The following ODF2 variants were observed in gnomAD, a reference collection of about 807,000 sequenced individuals.
The protein encoded by ODF2 is outer dense fiber protein 2.
Under a neutral mutation model 110.2 loss-of-function variants are expected in ODF2, and 47 were observed. That is an observed-to-expected ratio of 0.43 (90% CI 0.34 to 0.54). ODF2 has a LOEUF of 0.54. Ranked by LOEUF, ODF2 falls within the 20% of genes least tolerant of loss-of-function variation. The pLI, the probability that ODF2 is intolerant of heterozygous loss-of-function variation, is 0.03. For missense variants in ODF2, 812 were observed against 1,054.5 expected (o/e 0.77, Z 3.19); for synonymous variants, 352 against 397.7 (o/e 0.89, Z 1.37).
intron 8 of ODF2, among the ~76,000 whole-genome samples, chr9:128,481,376 C>T (rs1674864417): frequency 6.6e-6 from 1 of 151,500 alleles, no homozygotes; most frequent in African/African-American, 2.4e-5. Flanking sequence ...ACTTTGGAGG[C>T]TGAGATGGGA....
In ODF2 at chr9:128,470,044, T is replaced by TATATATATATATAA. The variant is rs1564476177; in HGVS notation, c.420+694_420+695insTATATATATAAATA. 2.5e-4 allele frequency among the ~76,000 whole-genome samples: 16 copies of TATATATATATATAA among 64,802 alleles called. 1 individual carries two copies. Among genetic ancestry groups the TATATATATATATAA allele is most frequent in the African/African-American group, 8.9e-4 (16 of 17,970 alleles). 42.5% of individuals were successfully genotyped at this position (64,802 alleles called of 152,430 possible). A position where few individuals can be genotyped will look rare whatever the true frequency, so the allele number is the denominator to read the frequency against. Reference sequence around the variant, plus strand: ...ATATATATATATATATATATATATATATAAATAAAAAAATTAACAAAAACA... The same window carrying TATATATATATATAA: ...ATATATATATATATATATATATATATATATATATATATAAATAAATAAAAAAATTAACAAAAACA... On this transcript the variant is annotated intron_variant, in intron 5 of 20. Transcript: ENST00000604420.
chr9:128,477,649 A>C (rs1841582453), intron 8 of ODF2, among the ~76,000 whole-genome samples: 1 of 150,064 alleles, frequency 6.7e-6, no homozygotes, highest in Non-Finnish European at 1.5e-5. Flanking sequence ...TCTGTCACCG[A>C]GGCTGGAGTG....
chr9:128,461,143 G>GCTATA, intron 4 of ODF2, 76 bp downstream of exon 4: 3 of 1,548,728 alleles, frequency 1.9e-6, no homozygotes, highest in Non-Finnish European at 2.6e-6. Context: ...GTATGATTCA[G>GCTATA]GGTCAGCTAT....
chr9:128,483,860 T>C, intron 10 of ODF2, 78 bp from the exon 11 acceptor site: 1 of 1,008,398 alleles, frequency 9.9e-7, no homozygotes, highest in Non-Finnish European at 1.6e-6. Context: ...CACTCCAGCC[T>C]GGGAAACGGA....
In ODF2 at chr9:128,485,518, C is replaced by CT. The variant is rs1292822144; in HGVS notation, c.1400+46dup. 4.5e-6 allele frequency: 5 copies of CT among 1,122,920 alleles called. No individual in the cohort carries two copies. The highest frequency in any genetic ancestry group is 6.7e-6 in the Non-Finnish European group (5 of 743,982). The allele number at this position is 1,122,920 out of a possible 1,614,324, so 69.6% of individuals were successfully genotyped here. A position where few individuals can be genotyped will look rare whatever the true frequency, so the allele number is the denominator to read the frequency against. ...GAGGGAATGTGGCGCTGTTGAGGGA[C>CT]TTGGGTGTGCAGGTGGGAGGGGCCT... On this transcript the variant is annotated intron_variant, in intron 13 of 20. Coordinates refer to ENST00000604420, the Ensembl canonical transcript of ODF2. The surrounding 1 kb of genome is among the most constrained non-coding windows in gnomAD (Gnocchi z 5.0).
chr9:128,469,425 C>T, intron 5 of ODF2, 72 bp downstream of exon 5: 1 of 1,518,574 alleles, frequency 6.6e-7, no homozygotes, highest in Non-Finnish European at 9.1e-7. Flanking sequence ...GATTTCCTGC[C>T]TGGTCCCTCA....
Position 128,494,999 on chromosome 9 carries a change from C to T in ODF2, c.1911+331C>T, listed in dbSNP as rs997119283. The stretch of plus-strand genomic sequence containing the variant: ...CACAGCTGGGAGATGCCAGCAGACA[C>T]CGAGCCGTAGAATTTCTTTTTTTCT... On this transcript the variant is annotated intron_variant, in intron 17 of 20. Coordinates refer to ENST00000604420, the Ensembl canonical transcript of ODF2. This position sits in a 1 kb window ranked among gnomAD's most constrained non-coding sequence, Gnocchi z 4.6. Among the ~76,000 whole-genome samples the T allele has an allele frequency of 6.6e-6, 1 of 152,218 alleles. No homozygotes were observed. Among genetic ancestry groups the T allele is most frequent in the Non-Finnish European group, 1.5e-5 (1 of 68,044 alleles).
At position 128,494,924 on chromosome 9, in the gene ODF2, A is replaced by G; in HGVS notation, c.1911+256A>G. On this transcript the variant is annotated intron_variant, in intron 17 of 20. Transcript: ENST00000604420. This position sits in a 1 kb window ranked among gnomAD's most constrained non-coding sequence, Gnocchi z 4.6. ...GCCCTCCTGCTGTTGCCCCCACCCA[A>G]GACTGCTGCCTCTGCCTGTGTGCTC... The G allele has an allele frequency of 8.7e-7, 1 of 1,154,768 alleles. No homozygotes were observed. 71.5% of individuals were successfully genotyped at this position (1,154,768 alleles called of 1,614,324 possible).
At chr9:128,461,639 G>A (rs1488756378) in intron 4 of ODF2, among the ~76,000 whole-genome samples, 4 of 152,106 alleles carry the variant, frequency 2.6e-5, no homozygotes, top group East Asian at 3.8e-4. Flanking sequence ...GGCTGGTCTC[G>A]AACTCCTGAC....
intron 1 of ODF2, 109 bp downstream of exon 1, chr9:128,456,364 G>C (rs1324036995): frequency 1.4e-6 from 2 of 1,432,280 alleles, no homozygotes; most frequent in Non-Finnish European, 1.8e-6. Flanking sequence ...TCGGGTCCTG[G>C]GTTCCCCGCC....
Position 128,492,419 on chromosome 9 carries a change from C to T in ODF2, c.1537-7C>T, listed in dbSNP as rs755733612. On this transcript the variant is annotated splice_polypyrimidine_tract_variant and splice_region_variant and intron_variant, in intron 14 of 20. Transcript: ENST00000604420. ...CCTGTGGGTTACTCATGAGCCATCC[C>T]TTCCAGGCCAGCTTTGCTCCAATGG... The T allele has an allele frequency of 1.2e-6, 2 of 1,608,366 alleles. No homozygotes were observed. Among genetic ancestry groups the T allele is most frequent in the Non-Finnish European group, 1.7e-6 (2 of 1,175,076 alleles).
chr9:128,457,372 C>T (rs139108213), exon 2 of ODF2: 9 of 1,612,732 alleles, frequency 5.6e-6, no homozygotes, highest in Non-Finnish European at 7.6e-6. Context: ...CCTGCTGACC[C>T]AATTGCCCAC....
At chr9:128,460,429 G>C in intron 3 of ODF2, 121 bp from the exon 3 acceptor site, 2 of 1,504,718 alleles carry the variant, frequency 1.3e-6, no homozygotes, top group Non-Finnish European at 1.8e-6. Context: ...GTTGGTAGCT[G>C]TCCTGCTCGC....
chr9:128,497,361 G>A (rs1206153451), intron 18 of ODF2: 1 of 141,076 alleles, frequency 7.1e-6, no homozygotes, highest in Non-Finnish European at 1.5e-5. Flanking sequence ...GCCGAGGCGG[G>A]CGGATCACGA....
chr9:128,456,264 C>G lies in ODF2; in HGVS notation c.-209+9C>G, dbSNP rs1243485446. Reference sequence around the variant, plus strand: ...CAGCCGTGTCGCTCCTGGTGAGAGGCCGCCGGCAGGCGGGATCCAGCGCCC... The same window carrying G: ...CAGCCGTGTCGCTCCTGGTGAGAGGGCGCCGGCAGGCGGGATCCAGCGCCC... On this transcript the variant is annotated intron_variant, in intron 1 of 20. Coordinates refer to ENST00000604420, the Ensembl canonical transcript of ODF2. 3.9e-6 allele frequency: 6 copies of G among 1,531,640 alleles called. No individual in the cohort carries two copies. Among genetic ancestry groups the G allele is most frequent in the Non-Finnish European group, 5.3e-6 (6 of 1,141,074 alleles). The allele number at this position is 1,531,640 out of a possible 1,614,324, so 94.9% of individuals were successfully genotyped here.
At chr9:128,461,864 A>G (rs900739098) in intron 4 of ODF2, among the ~76,000 whole-genome samples, 6 of 152,210 alleles carry the variant, frequency 3.9e-5, no homozygotes, top group African/African-American at 1.4e-4. Flanking sequence ...TTGATTTACC[A>G]GACAAAGGAG....
chr9:128,496,969 C>G lies in ODF2; in HGVS notation c.2012+828C>G, dbSNP rs557219523. ...TCCTGAACTCCTGGGTTCAAGTGAT[C>G]CACCCACCTAGGCCTCCTAGAGTGC... On this transcript the variant is annotated intron_variant, in intron 18 of 20. Coordinates refer to ENST00000604420, the Ensembl canonical transcript of ODF2. Among the ~76,000 whole-genome samples, 19 of 152,130 alleles carry G rather than the reference C, an allele frequency of 1.2e-4. 1 individual carries two copies. In the South Asian group the frequency reaches 3.3e-3, roughly 27 times the overall value.
In ODF2 at chr9:128,460,283, G is replaced by A. The variant is rs561587486; in HGVS notation, c.123+626G>A. ...TAAGAACCCTGGGGCCGGCGTCTGG[G>A]ATCTGTTCTGGAACGGGTGGGTCTT... On this transcript the variant is annotated intron_variant, in intron 3 of 20. Coordinates refer to ENST00000604420, the Ensembl canonical transcript of ODF2. 2.2e-6 allele frequency: 3 copies of A among 1,377,722 alleles called. No individual in the cohort carries two copies. The South Asian group carries it at 3.7e-5, about 17-fold the overall frequency. The allele number at this position is 1,377,722 out of a possible 1,614,324, so 85.3% of individuals were successfully genotyped here.
intron 16 of ODF2, among the ~76,000 whole-genome samples, chr9:128,493,504 T>G (rs1023824099): frequency 2.0e-5 from 3 of 152,240 alleles, no homozygotes. Context: ...GTCCTTATTT[T>G]GTACCAGCCA....
Sources: gnomAD v4.1 joint callset for allele counts (sites outside exome capture counted in the v4.1 genomes callset) on GRCh38, gnomAD v4.1.1 for gene constraint, Gnocchi (gnomAD v3.1) non-coding constraint, MANE v1.5 for transcripts, NCBI Gene and HGNC (gene_info 2026-07-23, HGNC 2026-07-21) for gene names.